Variants in PTP4A1 observed in about 807,000 individuals in gnomAD.
PTP4A1 encodes protein tyrosine phosphatase type IVA 1.
A neutral mutation model predicts 20.5 loss-of-function variants in PTP4A1; 9 were observed. The ratio of observed to expected loss-of-function variants is 0.44; its 90% CI spans 0.26 to 0.77. PTP4A1 has a LOEUF of 0.77. Among genes scored for constraint, PTP4A1 ranks in the 30% least tolerant of loss-of-function variants. PTP4A1 has a pLI of 0.19. For synonymous variants in PTP4A1, 78 were observed against 67.4 expected (o/e 1.16, Z -0.77); for missense variants, 137 against 218.8 (o/e 0.63, Z 2.36).
At position 63,576,605 on chromosome 6, in the gene PTP4A1, T is replaced by C. The variant is rs922362061; in HGVS notation, c.-276T>C. 4.2e-6 allele frequency: 2 copies of C among 478,668 alleles called. No individual in the cohort carries two copies. The highest frequency in any genetic ancestry group is 7.7e-5 in the Admixed American group (2 of 25,906). 29.7% of individuals were successfully genotyped at this position (478,668 alleles called of 1,614,324 possible). On this transcript the variant is annotated 5_prime_UTR_variant, in exon 2 of 6. Coordinates refer to ENST00000626021, the MANE Select transcript of PTP4A1 (RefSeq NM_003463.5). ...TTATCCTGGACACAGAAGTGTTGAA[T>C]TGAAATCCACAGAGCATTTTACAAG...
chr6:63,525,160 G>T (rs1201269712), intron 1 of PTP4A1, among the ~76,000 whole-genome samples: 2 of 152,194 alleles, frequency 1.3e-5, no homozygotes, highest in African/African-American at 2.4e-5. Flanking sequence ...TACTGAATCA[G>T]AACTCTGGTA....
intron 2 of PTP4A1, among the ~76,000 whole-genome samples, chr6:63,534,436 A>G (rs1052072250): frequency 7.1e-6 from 1 of 141,660 alleles, no homozygotes; most frequent in Non-Finnish European, 1.5e-5. Context: ...AGAAGCCATC[A>G]CCACACACAC....
At chr6:63,565,693 T>C (rs66984720) in intron 3 of PTP4A1, among the ~76,000 whole-genome samples, 11,408 of 152,258 alleles carry the variant, frequency 0.075, 475 homozygotes, top group East Asian at 0.16. Flanking sequence ...CCAGATTCCT[T>C]AAAAGGCTTG....
chr6:63,556,797 G>A (rs190415097), intron 3 of PTP4A1, among the ~76,000 whole-genome samples: 156 of 152,224 alleles, frequency 1.0e-3, no homozygotes, highest in Middle Eastern at 3.4e-3. Flanking sequence ...GTTGTTAATC[G>A]ACTTTTACAA....
At chr6:63,560,414 T>C (rs561898906) in intron 3 of PTP4A1, among the ~76,000 whole-genome samples, 13 of 151,514 alleles carry the variant, frequency 8.6e-5, no homozygotes, top group Middle Eastern at 3.4e-3. Context: ...TTTTTTTTTT[T>C]TTCTTGAGAC....
At chr6:63,541,872 CTA>C (rs1379104736) in intron 2 of PTP4A1, among the ~76,000 whole-genome samples, 1 of 152,164 alleles carries the variant, frequency 6.6e-6, no homozygotes, top group Admixed American at 6.5e-5. Flanking sequence ...TCCCTCTGTA[CTA>C]TGTCATTTCC....
At chr6:63,540,722 C>A (rs989673875) in intron 2 of PTP4A1, among the ~76,000 whole-genome samples, 1 of 151,794 alleles carries the variant, frequency 6.6e-6, no homozygotes, top group African/African-American at 2.4e-5. Flanking sequence ...GCACACAAAA[C>A]AGGATGCATA....
upstream of PTP4A1, among the ~76,000 whole-genome samples, chr6:63,516,976 G>A (rs566650740): frequency 6.6e-6 from 1 of 152,214 alleles, no homozygotes; most frequent in African/African-American, 2.4e-5. Flanking sequence ...TCTTGAATAG[G>A]CAAGAGAAAT....
intron 3 of PTP4A1, among the ~76,000 whole-genome samples, chr6:63,565,079 C>T (rs961410240): frequency 6.6e-6 from 1 of 152,076 alleles, no homozygotes; most frequent in African/African-American, 2.4e-5. Context: ...GGCATGATCA[C>T]AGCTCACTGC....
chr6:63,558,060 C>T (rs1045661358), intron 3 of PTP4A1, among the ~76,000 whole-genome samples: 5 of 151,850 alleles, frequency 3.3e-5, no homozygotes, highest in South Asian at 2.1e-4. Flanking sequence ...TTAGTAGAGA[C>T]GGGGTTTCAC....
intron 3 of PTP4A1, among the ~76,000 whole-genome samples, chr6:63,558,538 G>A (rs913070968): frequency 1.3e-5 from 2 of 152,146 alleles, no homozygotes; most frequent in African/African-American, 4.8e-5. Context: ...AAAATGAACA[G>A]GTCTCATGGG....
intron 1 of PTP4A1, among the ~76,000 whole-genome samples, chr6:63,575,399 A>G (rs1777788855): frequency 6.6e-6 from 1 of 152,236 alleles, no homozygotes; most frequent in South Asian, 2.1e-4. Flanking sequence ...GATTATTAAC[A>G]TCAGTGTCTT....
upstream of PTP4A1, chr6:63,572,198 G>A (rs945537106): frequency 1.3e-5 from 2 of 156,158 alleles, no homozygotes; most frequent in Admixed American, 6.5e-5. Context: ...TCGATAAATC[G>A]GAATCTCTCT....
At chr6:63,549,276 G>A (rs1776332398) in intron 2 of PTP4A1, 6 of 753,186 alleles carry the variant, frequency 8.0e-6, no homozygotes, top group South Asian at 4.1e-5. Context: ...GTTAATCTCA[G>A]GAGGCACTTT....
At chr6:63,528,627 G>C (rs1013456723) in intron 2 of PTP4A1, among the ~76,000 whole-genome samples, 8 of 152,032 alleles carry the variant, frequency 5.3e-5, no homozygotes, top group Non-Finnish European at 8.8e-5. Context: ...CATGCATGGT[G>C]GTGTGCGCCT....
intron 3 of PTP4A1, among the ~76,000 whole-genome samples, chr6:63,564,654 C>G (rs1226766302): frequency 6.6e-6 from 1 of 152,162 alleles, no homozygotes. Flanking sequence ...TATTTATACT[C>G]CATTCCCTTT....
rs376671990 is a variant in PTP4A1 at position 63,526,803 on chromosome 6, GTATATA to G, written c.-905-988_-905-983del. ...CAGAGCAAGACTCTATCTCAAAAAT[GTATATA>G]TATATATATATATATATATATATAT... On this transcript the variant is annotated intron_variant, in intron 1 of 3. Transcript: ENST00000639568. Among the ~76,000 whole-genome samples, 89 of 101,440 alleles carry G rather than the reference GTATATA, an allele frequency of 8.8e-4. 1 individual carries two copies. Among genetic ancestry groups the G allele is most frequent in the South Asian group, 5.6e-3 (16 of 2,834 alleles). 66.5% of individuals were successfully genotyped at this position (101,440 alleles called of 152,430 possible).
intron 1 of PTP4A1, among the ~76,000 whole-genome samples, chr6:63,572,950 G>A (rs564508014): frequency 6.6e-6 from 1 of 152,086 alleles, no homozygotes; most frequent in Non-Finnish European, 1.5e-5. Flanking sequence ...GCGGTTGGCC[G>A]CCGGAGGCAC....
At chr6:63,516,963 A>G (rs1381490414), upstream of PTP4A1, among the ~76,000 whole-genome samples, 1 of 152,170 alleles carries the variant, frequency 6.6e-6, no homozygotes, top group Non-Finnish European at 1.5e-5. Flanking sequence ...ACTCTTCTGG[A>G]TTTCTTGAAT....
Sources: allele counts gnomAD v4.1 joint callset (sites outside exome capture counted in the v4.1 genomes callset), GRCh38; gene constraint gnomAD v4.1.1; transcripts MANE v1.5; gene names NCBI Gene and HGNC (gene_info 2026-07-23, HGNC 2026-07-21).